SPRYD3: variants seen among roughly 807,000 people sequenced by gnomAD.
SPRYD3 encodes the protein SPRY domain containing 3.
SPRYD3 carries 17 observed loss-of-function variants against 50.1 expected under a neutral mutation model. The ratio of observed to expected loss-of-function variants is 0.34; its 90% CI spans 0.23 to 0.51. SPRYD3 has a LOEUF of 0.51. Ranked by LOEUF, SPRYD3 falls within the 20% of genes least tolerant of loss-of-function variation. The probability of loss-of-function intolerance (pLI) is 0.97; values close to 1 mark genes in which losing one functional copy is unlikely to be tolerated. For synonymous variants in SPRYD3, 198 were observed against 215.5 expected, an observed-to-expected ratio of 0.92 and a Z score of 0.71; for missense variants, 401 against 591.2, an observed-to-expected ratio of 0.68 and a Z score of 3.34.
chr12:53,079,125 G>A (rs1022513376), intron 1 of SPRYD3, among the ~76,000 whole-genome samples, 186 bp downstream of exon 1: 2 of 152,192 alleles, frequency 1.3e-5, no homozygotes, highest in African/African-American at 4.8e-5. Flanking sequence ...CAGCCCATCC[G>A]TGTGCCTACG....
chr12:53,076,769 G>A (rs1157782883), intron 2 of SPRYD3, among the ~76,000 whole-genome samples: 2 of 152,096 alleles, frequency 1.3e-5, no homozygotes, highest in Non-Finnish European at 2.9e-5. Context: ...CCAACATGGT[G>A]AAACCCTGTC....
At position 53,076,332 on chromosome 12, in the gene SPRYD3, G is replaced by A. The variant is rs117898630; in HGVS notation, c.171-521C>T. Reference sequence around the variant, plus strand: ...ACTCTGTGAGAGCATGGGCTCAGAAGGAGTCAGGGAAGGGGTTCAAGCCAG... The same window carrying A: ...ACTCTGTGAGAGCATGGGCTCAGAAAGAGTCAGGGAAGGGGTTCAAGCCAG... On this transcript the variant is annotated intron_variant, in intron 2 of 10. Transcript: ENST00000301463. 5.4e-4 allele frequency among the ~76,000 whole-genome samples: 83 copies of A among 152,332 alleles called. 1 individual carries two copies. The East Asian group carries it at 8.1e-3, about 15-fold the overall frequency.
chr12:53,066,533 G>A (rs758672015), intron 9 of SPRYD3, 40 bp downstream of exon 9: 63 of 1,613,848 alleles, frequency 3.9e-5, no homozygotes, highest in East Asian at 2.5e-4. Flanking sequence ...TTCCACCCTC[G>A]GCCCCAAGCA....
chr12:53,077,366 GC>G, intron 1 of SPRYD3, 105 bp from the exon 2 acceptor site: 1 of 1,236,440 alleles, frequency 8.1e-7, no homozygotes, highest in Non-Finnish European at 1.1e-6. Flanking sequence ...GAGGCCAGCT[GC>G]CCAGATTGAC....
Position 53,072,421 on chromosome 12 carries a change from T to A in SPRYD3, c.693+865A>T, listed in dbSNP as rs150819866. 7.7e-3 allele frequency among the ~76,000 whole-genome samples: 1,174 copies of A among 151,974 alleles called. 7 individuals are homozygous for A. Among genetic ancestry groups the A allele is most frequent in the Non-Finnish European group, 0.01 (680 of 67,962 alleles). ...AAGACTGAGTTGAAAACAGCCTGGGTTGGGGTGGAAAGGCCAGAGGGTGGA... is the reference window on the plus strand; with the variant it reads ...AAGACTGAGTTGAAAACAGCCTGGGATGGGGTGGAAAGGCCAGAGGGTGGA... On this transcript the variant is annotated intron_variant, in intron 6 of 10. Coordinates refer to ENST00000301463, the MANE Select transcript of SPRYD3 (RefSeq NM_032840.3).
intron 2 of SPRYD3, among the ~76,000 whole-genome samples, chr12:53,076,862 T>A (rs113301227): frequency 7.8e-4 from 118 of 151,826 alleles, no homozygotes; most frequent in African/African-American, 2.7e-3. Flanking sequence ...GGCAGGAGAA[T>A]CGCTTGAACC....
intron 2 of SPRYD3, 71 bp downstream of exon 2, chr12:53,077,041 TAAA>T: frequency 1.8e-6 from 2 of 1,132,978 alleles, no homozygotes; most frequent in Non-Finnish European, 2.4e-6. Context: ...AAATAAAAGT[TAAA>T]AAAAAAAAAC....
chr12:53,075,278 G>A (rs1944580412), intron 3 of SPRYD3, 59 bp from the exon 4 acceptor site: 2 of 1,562,610 alleles, frequency 1.3e-6, no homozygotes, highest in Non-Finnish European at 1.8e-6. Flanking sequence ...GAATTGCTGG[G>A]GGTGGGGGAA....
At chr12:53,070,947 G>C (rs963370241) in intron 6 of SPRYD3, among the ~76,000 whole-genome samples, 1 of 152,194 alleles carries the variant, frequency 6.6e-6, no homozygotes, top group African/African-American at 2.4e-5. Context: ...GCCCCAAGAA[G>C]CCAAAGACAT....
In SPRYD3 at chr12:53,072,268, C is replaced by CG. The variant is rs566800344; in HGVS notation, c.693+1017dup. On this transcript the variant is annotated intron_variant, in intron 6 of 10. Transcript: ENST00000301463. ...TGCAGCCTGGGACCCTGATGCCAGACGGGGGTGCAGAGTGTCAGAAGCAGC... is the reference window on the plus strand; with the variant it reads ...TGCAGCCTGGGACCCTGATGCCAGACGGGGGGTGCAGAGTGTCAGAAGCAGC... Among the ~76,000 whole-genome samples the CG allele has an allele frequency of 5.3e-4, 80 of 152,030 alleles. 1 individual carries two copies. In the East Asian group the frequency reaches 7.6e-3, roughly 14 times the overall value.
rs192318051 is a variant in SPRYD3, at chr12:53,077,629, G to A, written c.24-368C>T. Among the ~76,000 whole-genome samples, 4 of 152,338 alleles carry A rather than the reference G, an allele frequency of 2.6e-5. No individual in the cohort carries two copies. In the East Asian group the frequency reaches 5.8e-4, roughly 22 times the overall value. On this transcript the variant is annotated intron_variant, in intron 1 of 10. Transcript: ENST00000301463. ...ACAGAGGCGGTCTCTCTGAGGAGGTGACATTTGAGTTGAAAAGGAGCTAGG... is the reference window on the plus strand; with the variant it reads ...ACAGAGGCGGTCTCTCTGAGGAGGTAACATTTGAGTTGAAAAGGAGCTAGG...
intron 6 of SPRYD3, 26 bp downstream of exon 6, chr12:53,073,260 C>CCGGGG: frequency 9.6e-6 from 4 of 416,308 alleles, no homozygotes; most frequent in East Asian, 3.8e-5. Flanking sequence ...GACCCAGCCC[C>CCGGGG]TCCCACCCTC....
intron 6 of SPRYD3, among the ~76,000 whole-genome samples, chr12:53,069,143 GATTT>G (rs1298277534): frequency 1.5e-4 from 23 of 152,098 alleles, no homozygotes; most frequent in African/African-American, 5.1e-4. Flanking sequence ...AATCTGGGAG[GATTT>G]ATTTGTCAGT....
chr12:53,072,237 G>A (rs866129200), intron 6 of SPRYD3, among the ~76,000 whole-genome samples: 4 of 152,166 alleles, frequency 2.6e-5, no homozygotes, highest in South Asian at 2.1e-4. Flanking sequence ...CTTAGCTCTC[G>A]GTCGCTGCAG....
intron 6 of SPRYD3, among the ~76,000 whole-genome samples, chr12:53,068,552 T>C (rs1230943065): frequency 6.6e-6 from 1 of 152,150 alleles, no homozygotes; most frequent in African/African-American, 2.4e-5. Context: ...ACACACTTTC[T>C]GGGAGGCCGG....
intron 8 of SPRYD3, among the ~76,000 whole-genome samples, chr12:53,067,109 CAAAAAAAA>C (rs146264495): frequency 1.5e-4 from 9 of 61,068 alleles, no homozygotes; most frequent in African/African-American, 4.7e-4. Context: ...GACTCCATCT[CAAAAAAAA>C]AAAAAAAAAA....
At chr12:53,073,100 GTGCTAA>G in intron 6 of SPRYD3, 180 bp downstream of exon 6, 2 of 505,784 alleles carry the variant, frequency 4.0e-6, no homozygotes, top group South Asian at 6.3e-5. Context: ...AAGAGAACAT[GTGCTAA>G]AGAAAACACA....
intron 1 of SPRYD3, among the ~76,000 whole-genome samples, chr12:53,078,611 T>C (rs922650862): frequency 6.6e-6 from 1 of 152,126 alleles, no homozygotes; most frequent in African/African-American, 2.4e-5. Flanking sequence ...GTTGCAGCAG[T>C]TCACATGAGA....
chr12:53,073,520 G>A, intron 5 of SPRYD3, 49 bp from the exon 6 acceptor site: 1 of 1,429,388 alleles, frequency 7.0e-7, no homozygotes, highest in South Asian at 1.3e-5. Context: ...CTTTTCCATA[G>A]CTCACCTAAT....
Sources: gnomAD v4.1 joint callset for allele counts (sites outside exome capture counted in the v4.1 genomes callset) on GRCh38, gnomAD v4.1.1 for gene constraint, MANE v1.5 for transcripts, NCBI Gene and HGNC (gene_info 2026-07-23, HGNC 2026-07-21) for gene names.